The following NCK2 variants were observed in gnomAD, a reference collection of about 807,000 sequenced individuals.
NCK2 encodes NCK adaptor protein 2.
In NCK2, 16 loss-of-function variants were observed where a neutral mutation model predicts 33.9. The ratio of observed to expected loss-of-function variants is 0.47; its 90% CI spans 0.32 to 0.72. The LOEUF (loss-of-function observed/expected upper bound fraction) is 0.72, where lower values mean the gene tolerates loss of function less well. Ranked by LOEUF, NCK2 falls within the 30% of genes least tolerant of loss-of-function variation. The pLI, the probability that NCK2 is intolerant of heterozygous loss-of-function variation, is 0.03. For missense variants in NCK2, 418 were observed against 537.3 expected (o/e 0.78, Z 2.19); for synonymous variants, 273 against 239.9 (o/e 1.14, Z -1.27).
intron 1 of NCK2, among the ~76,000 whole-genome samples, chr2:105,789,516 A>G (rs1190629257): frequency 6.6e-6 from 1 of 152,190 alleles, no homozygotes; most frequent in East Asian, 1.9e-4. Flanking sequence ...TGAGAAAAAC[A>G]TTAGCCTTCT....
At chr2:105,846,130 C>CT in intron 2 of NCK2, among the ~76,000 whole-genome samples, 1 of 152,242 alleles carries the variant, frequency 6.6e-6, no homozygotes, top group East Asian at 1.9e-4. Flanking sequence ...TGATTAGTGT[C>CT]TAAGACACCA....
chr2:105,747,504 G>A (rs1238257431), intron 1 of NCK2, among the ~76,000 whole-genome samples: 1 of 152,146 alleles, frequency 6.6e-6, no homozygotes, highest in Non-Finnish European at 1.5e-5. Context: ...CGTGTGCACT[G>A]GGGGAGACAG....
chr2:105,838,132 C>A (rs1031750126), intron 2 of NCK2, among the ~76,000 whole-genome samples: 1 of 151,840 alleles, frequency 6.6e-6, no homozygotes, highest in Non-Finnish European at 1.5e-5. Context: ...AATAGATAAC[C>A]ACTATTTATA....
At chr2:105,876,166 G>A (rs1293733139) in intron 3 of NCK2, among the ~76,000 whole-genome samples, 1 of 152,178 alleles carries the variant, frequency 6.6e-6, no homozygotes, top group Non-Finnish European at 1.5e-5. Context: ...TCCAAAGCAT[G>A]CTGCTGTGAC....
At chr2:105,755,358 T>C (rs1203667164) in intron 1 of NCK2, among the ~76,000 whole-genome samples, 1 of 152,176 alleles carries the variant, frequency 6.6e-6, no homozygotes, top group Non-Finnish European at 1.5e-5. Context: ...TAAAGTTCAG[T>C]TGATTGATCA....
At chr2:105,874,808 T>C (rs1678170325) in intron 3 of NCK2, among the ~76,000 whole-genome samples, 1 of 152,240 alleles carries the variant, frequency 6.6e-6, no homozygotes, top group East Asian at 1.9e-4. Flanking sequence ...TTCAGGCTTT[T>C]ATTAGGACCC....
At chr2:105,868,991 G>A (rs1018816945) in intron 3 of NCK2, among the ~76,000 whole-genome samples, 12 of 152,150 alleles carry the variant, frequency 7.9e-5, no homozygotes, top group Admixed American at 2.0e-4. Flanking sequence ...CAGGTGGACC[G>A]CACCCAGGCG....
intron 3 of NCK2, among the ~76,000 whole-genome samples, chr2:105,870,278 C>G (rs909107180): frequency 6.6e-6 from 1 of 152,224 alleles, no homozygotes; most frequent in Non-Finnish European, 1.5e-5. Flanking sequence ...AGGCAGGGGG[C>G]CAGCAGCCCT....
intron 2 of NCK2, among the ~76,000 whole-genome samples, chr2:105,820,240 C>A (rs1463921004): frequency 2.0e-5 from 3 of 152,220 alleles, no homozygotes; most frequent in Non-Finnish European, 4.4e-5. Flanking sequence ...GCTTGGGGAC[C>A]AGGCATTTGC....
At chr2:105,807,838 TCTCC>T (rs376845878) in intron 1 of NCK2, among the ~76,000 whole-genome samples, 7,042 of 12,992 alleles carry the variant, frequency 0.54, 1,852 homozygotes, top group Admixed American at 0.61. Context: ...CCCTTCTATC[TCTCC>T]CTCCCTCCCT....
At chr2:105,758,472 T>C (rs1004564079) in intron 1 of NCK2, among the ~76,000 whole-genome samples, 1 of 149,800 alleles carries the variant, frequency 6.7e-6, no homozygotes, top group Non-Finnish European at 1.5e-5. Flanking sequence ...GTGCAGTCGC[T>C]TGATCTCGGC....
At chr2:105,772,799 C>G (rs1050975381) in intron 1 of NCK2, among the ~76,000 whole-genome samples, 2 of 152,042 alleles carry the variant, frequency 1.3e-5, no homozygotes, top group African/African-American at 4.8e-5. Context: ...CATCTGGGAA[C>G]CAGAGTCCTC....
chr2:105,820,262 T>C (rs1558853502), intron 2 of NCK2, among the ~76,000 whole-genome samples: 1 of 152,208 alleles, frequency 6.6e-6, no homozygotes, highest in Non-Finnish European at 1.5e-5. Flanking sequence ...ATTTGGTCGG[T>C]GGTCCTTGAA....
chr2:105,855,063 G>A lies in NCK2; in HGVS notation c.-1G>A. On this transcript the variant is annotated 5_prime_UTR_variant, in exon 3 of 5. Coordinates refer to ENST00000233154, the MANE Select transcript of NCK2 (RefSeq NM_003581.5). ...TTGCTGGCAGAAGGACTCCATGAAA[G>A]ATGACAGAAGAAGTTATTGTGATAG... The A allele has an allele frequency of 6.2e-7, 1 of 1,613,738 alleles. No homozygotes were observed. The highest frequency in any genetic ancestry group is 8.5e-7 in the Non-Finnish European group (1 of 1,179,620).
intron 4 of NCK2, among the ~76,000 whole-genome samples, chr2:105,882,944 C>T (rs1457373718): frequency 6.6e-6 from 1 of 152,136 alleles, no homozygotes; most frequent in Non-Finnish European, 1.5e-5. Flanking sequence ...TACCTGCTGC[C>T]ACTGCTGTCC....
Position 105,783,567 on chromosome 2 carries a change from A to G in NCK2, c.-200-32863A>G, listed in dbSNP as rs941928879. On this transcript the variant is annotated intron_variant, in intron 1 of 4. Transcript: ENST00000233154. Reference sequence around the variant, plus strand: ...GTGCAGTATTTGCCACCGTGGGTGCAGTTACTAGGAAGGCAGCCGTTCGCG... The same window carrying G: ...GTGCAGTATTTGCCACCGTGGGTGCGGTTACTAGGAAGGCAGCCGTTCGCG... Among the ~76,000 whole-genome samples the G allele has an allele frequency of 9.2e-5, 14 of 152,184 alleles. 1 individual carries two copies. The highest frequency in any genetic ancestry group is 2.6e-4 in the Admixed American group (4 of 15,284).
At chr2:105,754,029 C>T (rs1689533188) in intron 1 of NCK2, among the ~76,000 whole-genome samples, 2 of 152,266 alleles carry the variant, frequency 1.3e-5, no homozygotes, top group East Asian at 3.9e-4. Flanking sequence ...GCCACTGGGG[C>T]CATCAGAGTG....
chr2:105,876,011 T>C (rs1033753107), intron 3 of NCK2, among the ~76,000 whole-genome samples: 1 of 152,172 alleles, frequency 6.6e-6, no homozygotes. Context: ...TGCAAAGATA[T>C]AGCAGTTTAT....
Position 105,863,709 on chromosome 2 carries a change from G to A in NCK2, c.226+8420G>A, listed in dbSNP as rs115532462. Among the ~76,000 whole-genome samples, 1,062 of 152,214 alleles carry A rather than the reference G, an allele frequency of 7.0e-3. 16 individuals carry two copies. Among genetic ancestry groups the A allele is most frequent in the African/African-American group, 0.024 (979 of 41,534 alleles). On this transcript the variant is annotated intron_variant, in intron 3 of 4. Transcript: ENST00000233154. The stretch of plus-strand genomic sequence containing the variant: ...AAACTAGGGCTGAGTTATGCAGCTC[G>A]GGCACCTGTGCTTTCAGAGAGCATG...
Sources: allele counts gnomAD v4.1 joint callset (sites outside exome capture counted in the v4.1 genomes callset), GRCh38; gene constraint gnomAD v4.1.1; transcripts MANE v1.5; gene names NCBI Gene and HGNC (gene_info 2026-07-23, HGNC 2026-07-21).